Variants in CLEC16A observed in about 807,000 individuals in gnomAD.
CLEC16A encodes protein CLEC16A.
A neutral mutation model predicts 109.5 loss-of-function variants in CLEC16A; 51 were observed. The ratio of observed to expected loss-of-function variants is 0.47; its 90% CI spans 0.37 to 0.59. The LOEUF is 0.59. Ranked by LOEUF, CLEC16A falls within the 20% of genes least tolerant of loss-of-function variation. CLEC16A has a pLI of 0.00. For missense variants in CLEC16A, 1,339 were observed against 1,394.0 expected (o/e 0.96, Z 0.63); for synonymous variants, 673 against 564.2 (o/e 1.19, Z -2.73).
At chr16:11,142,786 T>G (rs2053896512) in intron 22 of CLEC16A, among the ~76,000 whole-genome samples, 1 of 152,230 alleles carries the variant, frequency 6.6e-6, no homozygotes, top group East Asian at 1.9e-4. Context: ...GTGGCTTGTC[T>G]TTTTATTCAT....
At chr16:11,116,819 A>G (rs971023740) in intron 19 of CLEC16A, among the ~76,000 whole-genome samples, 15 of 152,206 alleles carry the variant, frequency 9.9e-5, no homozygotes, top group African/African-American at 2.9e-4. Flanking sequence ...TGTGCTCCCA[A>G]CAGAACCTAT....
intron 22 of CLEC16A, chr16:11,136,397 T>C (rs1185104268): frequency 3.9e-5 from 6 of 152,254 alleles, no homozygotes; most frequent in Admixed American, 2.0e-4. Context: ...TTCATTCACC[T>C]AAGTGCCCAG....
At chr16:11,131,059 G>C (rs2053174499) in intron 22 of CLEC16A, among the ~76,000 whole-genome samples, 1 of 152,082 alleles carries the variant, frequency 6.6e-6, no homozygotes, top group Non-Finnish European at 1.5e-5. Flanking sequence ...CTATTTATTG[G>C]CTGGTTTTAT....
At chr16:11,086,087 G>A (rs899543589) in intron 19 of CLEC16A, among the ~76,000 whole-genome samples, 1 of 152,374 alleles carries the variant, frequency 6.6e-6, no homozygotes, top group African/African-American at 2.4e-5. Flanking sequence ...TTTGTTGAAA[G>A]TGCATTGTTA....
intron 1 of CLEC16A, 145 bp from the exon 2 acceptor site, chr16:10,957,637 T>C: frequency 1.3e-6 from 1 of 772,012 alleles, no homozygotes; most frequent in Non-Finnish European, 2.1e-6. Context: ...GGGTTGTGAG[T>C]TACATCTAAT....
chr16:11,145,248 C>T (rs77217236), intron 22 of CLEC16A, among the ~76,000 whole-genome samples: 296 of 152,268 alleles, frequency 1.9e-3, no homozygotes, highest in Non-Finnish European at 3.2e-3. Context: ...GCCCTTGGAG[C>T]GGGAAAACAG....
intron 5 of CLEC16A, among the ~76,000 whole-genome samples, chr16:10,971,726 T>C (rs1002422229): frequency 6.6e-6 from 1 of 152,242 alleles, no homozygotes; most frequent in Non-Finnish European, 1.5e-5. Context: ...ATGTTCTTAA[T>C]GCCCAAAACA....
intron 19 of CLEC16A, among the ~76,000 whole-genome samples, chr16:11,098,500 C>T (rs1025006070): frequency 6.6e-6 from 1 of 152,218 alleles, no homozygotes; most frequent in Non-Finnish European, 1.5e-5. Context: ...GCTGTGGCTT[C>T]CTAAGAGCTG....
chr16:11,076,223 C>T (rs2049365784), intron 19 of CLEC16A, among the ~76,000 whole-genome samples: 1 of 152,154 alleles, frequency 6.6e-6, no homozygotes, highest in African/African-American at 2.4e-5. Context: ...CATGTGTGCC[C>T]CCCATCTGCT....
chr16:11,171,302 C>A (rs1210819149), intron 23 of CLEC16A, among the ~76,000 whole-genome samples: 4 of 152,214 alleles, frequency 2.6e-5, no homozygotes, highest in Admixed American at 1.3e-4. Flanking sequence ...CTCTGAGCCT[C>A]CTTCGCACGC....
chr16:10,969,473 TA>T (rs1205709052), intron 4 of CLEC16A, among the ~76,000 whole-genome samples, 164 bp downstream of exon 4: 2 of 152,114 alleles, frequency 1.3e-5, no homozygotes, highest in African/African-American at 2.4e-5. Flanking sequence ...TTGGCATGTT[TA>T]AAAAATTTTT....
chr16:10,993,586 A>G (rs926217824), intron 10 of CLEC16A, among the ~76,000 whole-genome samples: 9 of 152,290 alleles, frequency 5.9e-5, no homozygotes, highest in Admixed American at 5.9e-4. Flanking sequence ...ACTTGCAATT[A>G]TGTTTTCCAG....
At position 10,946,720 on chromosome 16, in the gene CLEC16A, G is replaced by T. The variant is rs976695858; in HGVS notation, c.80+1923G>T. ...AATTACCTTAATTTATTAATTTATC[G>T]AATGCATTATTCTGTACCAGGTATT... On this transcript the variant is annotated intron_variant, in intron 1 of 23. Coordinates refer to ENST00000409790, the MANE Select transcript of CLEC16A (RefSeq NM_015226.3). 2.6e-5 allele frequency among the ~76,000 whole-genome samples: 4 copies of T among 152,044 alleles called. No homozygotes were observed. The East Asian group carries it at 7.7e-4, about 29-fold the overall frequency.
chr16:11,077,709 G>A (rs1011728605), intron 19 of CLEC16A, among the ~76,000 whole-genome samples: 17 of 152,208 alleles, frequency 1.1e-4, no homozygotes, highest in African/African-American at 3.6e-4. Flanking sequence ...CTGGTGGAGG[G>A]TGTGAGGGGT....
At chr16:10,987,555 G>A (rs2043749276) in intron 10 of CLEC16A, among the ~76,000 whole-genome samples, 1 of 152,204 alleles carries the variant, frequency 6.6e-6, no homozygotes, top group South Asian at 2.1e-4. Context: ...AGACTCTGTA[G>A]CGTGGAGGGA....
Position 11,175,283 on chromosome 16 carries a change from T to G in CLEC16A, c.2807-3052T>G, listed in dbSNP as rs1288801843. 2.0e-5 allele frequency among the ~76,000 whole-genome samples: 3 copies of G among 152,124 alleles called. No homozygotes were observed. In the East Asian group the frequency reaches 5.8e-4, roughly 29 times the overall value. On this transcript the variant is annotated intron_variant, in intron 23 of 23. Transcript: ENST00000409790. ...ACTGGCCACAGCCACGGGATGTCTG[T>G]CCGCTGCTTATGGAAACGTGGCCTT...
chr16:10,988,227 CT>C (rs527603929), intron 10 of CLEC16A, among the ~76,000 whole-genome samples: 6 of 151,986 alleles, frequency 3.9e-5, no homozygotes, highest in Non-Finnish European at 7.4e-5. Flanking sequence ...TTTTAAAGGA[CT>C]TTTTTTTCCT....
In CLEC16A at chr16:11,062,071, C is replaced by T. The variant is rs190140386; in HGVS notation, c.2116+1049C>T. 2.1e-3 allele frequency among the ~76,000 whole-genome samples: 326 copies of T among 152,270 alleles called. 2 individuals carry two copies. The highest frequency in any genetic ancestry group is 3.7e-3 in the Non-Finnish European group (253 of 68,022). On this transcript the variant is annotated intron_variant, in intron 19 of 23. Transcript: ENST00000409790. Reference sequence around the variant, plus strand: ...CTTGGGGCACATGACCATCCCTGAACCAGCCAGTGGTCAGAGGAATGTGAC... The same window carrying T: ...CTTGGGGCACATGACCATCCCTGAATCAGCCAGTGGTCAGAGGAATGTGAC...
At chr16:11,067,734 G>T (rs1315358655) in intron 19 of CLEC16A, among the ~76,000 whole-genome samples, 1 of 152,178 alleles carries the variant, frequency 6.6e-6, no homozygotes, top group Non-Finnish European at 1.5e-5. Flanking sequence ...GCCCCATGGG[G>T]AGGCCAGGCC....
Sources: allele counts gnomAD v4.1 joint callset (sites outside exome capture counted in the v4.1 genomes callset), GRCh38; gene constraint gnomAD v4.1.1; transcripts MANE v1.5; gene names NCBI Gene and HGNC (gene_info 2026-07-23, HGNC 2026-07-21).